The following CEP192 variants were observed in gnomAD, a reference collection of about 807,000 sequenced individuals.
CEP192 encodes the protein centrosomal protein 192.
Under a neutral mutation model 271.8 loss-of-function variants are expected in CEP192, and 151 were observed. The observed-to-expected ratio is 0.56, with a 90% CI of 0.49 to 0.64. The LOEUF (loss-of-function observed/expected upper bound fraction) is 0.64, where lower values mean the gene tolerates loss of function less well. CEP192 is among the 30% of genes least tolerant of loss of function. The pLI is 0.00. For missense variants in CEP192, 2,910 were observed against 3,020.5 expected (o/e 0.96, Z 0.86); for synonymous variants, 995 against 1,076.5 (o/e 0.92, Z 1.48).
chr18:13,030,003 G>A lies in CEP192; in HGVS notation c.1390+1G>A, dbSNP rs1470794798. 11 of 1,527,146 alleles carry A rather than the reference G, an allele frequency of 7.2e-6. No individual in the cohort carries two copies. Among genetic ancestry groups the A allele is most frequent in the Non-Finnish European group, 9.7e-6 (11 of 1,131,296 alleles). The allele number at this position is 1,527,146 out of a possible 1,614,324, so 94.6% of individuals were successfully genotyped here. A position where few individuals can be genotyped will look rare whatever the true frequency, so the allele number is the denominator to read the frequency against. ...GAGTCCATCGAAAAGAATAAAGACA[G>A]TAAGTGGACTTTTTAAAAAATAGAG... On this transcript the variant is annotated splice_donor_variant, in intron 10 of 44. Coordinates refer to ENST00000506447, the MANE Select transcript of CEP192 (RefSeq NM_032142.4). LOFTEE classifies it high-confidence loss of function.
intron 4 of CEP192, among the ~76,000 whole-genome samples, chr18:13,011,512 C>CTTTGT (rs1379861374): frequency 9.4e-6 from 1 of 105,924 alleles, no homozygotes; most frequent in African/African-American, 5.0e-5. Context: ...CACACAGAAA[C>CTTTGT]TTTGTTTTGT....
chr18:13,095,317 C>T (rs2039339663), intron 34 of CEP192, among the ~76,000 whole-genome samples, 186 bp from the exon 35 acceptor site: 1 of 152,154 alleles, frequency 6.6e-6, no homozygotes, highest in African/African-American at 2.4e-5. Flanking sequence ...ACATTGTAAA[C>T]TATACACAAT....
At chr18:13,024,374 A>T (rs190500239) in intron 9 of CEP192, 1 of 455,444 alleles carries the variant, frequency 2.2e-6, no homozygotes, top group South Asian at 1.6e-5. Flanking sequence ...TTTAATCTAC[A>T]TGTTGGTTTC....
rs113723431 is a variant in CEP192 at position 13,072,767 on chromosome 18, A to G, written c.5361A>G (p.Leu1787=). 15 of 1,603,940 alleles carry G rather than the reference A, an allele frequency of 9.4e-6. No individual in the cohort carries two copies. The African/African-American group carries it at 1.2e-4, about 13-fold the overall frequency. The change falls in exon 29 of 45, where the codon CTA becomes CTG. Residue 1787 remains leucine, a synonymous_variant. Transcript: ENST00000506447. ...TAATTGTTTTTAGGCTTCAGAAACTAGCTTTAAGAAATAATTCTGCATCTA... is the reference window on the plus strand; with the variant it reads ...TAATTGTTTTTAGGCTTCAGAAACTGGCTTTAAGAAATAATTCTGCATCTA... ...VPLGRTQLQK[L]ALRNNSASTT... is the part of the protein sequence containing the mutation.
chr18:13,099,435 A>T, intron 36 of CEP192, 41 bp from the exon 37 acceptor site: 1 of 1,013,272 alleles, frequency 9.9e-7, no homozygotes, highest in Admixed American at 2.2e-5. Flanking sequence ...TGCTGTTAAA[A>T]TGCAGGCTCT....
intron 40 of CEP192, among the ~76,000 whole-genome samples, chr18:13,108,334 C>T (rs1000483240): frequency 1.3e-5 from 2 of 152,104 alleles, no homozygotes; most frequent in African/African-American, 4.8e-5. Flanking sequence ...AGCTTCTGCA[C>T]AGCAAAGGAA....
At position 13,044,458 on chromosome 18, in the gene CEP192, C is replaced by T. The variant is rs770309811; in HGVS notation, c.2067+2124C>T. On this transcript the variant is annotated intron_variant, in intron 15 of 44. Transcript: ENST00000506447. ...TTGTTTTAAATTACTGGATCAACAACGTGGTCTTCTAATCTTTGTTCACTA... is the reference window on the plus strand; with the variant it reads ...TTGTTTTAAATTACTGGATCAACAATGTGGTCTTCTAATCTTTGTTCACTA... 3.6e-4 allele frequency among the ~76,000 whole-genome samples: 55 copies of T among 151,954 alleles called. 1 individual carries two copies. The highest frequency in any genetic ancestry group is 3.3e-4 in the Admixed American group (5 of 15,268).
Position 13,018,966 on chromosome 18 carries a change from A to G in CEP192, c.926-116A>G, listed in dbSNP as rs181640352. On this transcript the variant is annotated intron_variant, in intron 8 of 44. Coordinates refer to ENST00000506447, the MANE Select transcript of CEP192 (RefSeq NM_032142.4). ...CTCTACGAAAATGGCTAAATTTGTC[A>G]TAGGAGTGCTAAGTATTAGGGTTAC... The G allele has an allele frequency of 2.3e-3, 2,254 of 978,106 alleles. 42 individuals are homozygous for G. Among genetic ancestry groups the G allele is most frequent in the South Asian group, 0.021 (1,126 of 54,130 alleles). 60.6% of individuals were successfully genotyped at this position (978,106 alleles called of 1,614,324 possible).
intron 3 of CEP192, among the ~76,000 whole-genome samples, 155 bp downstream of exon 3, chr18:13,001,737 TCCATTGC>T (rs1455706832): frequency 6.6e-6 from 1 of 152,238 alleles, no homozygotes; most frequent in African/African-American, 2.4e-5. Context: ...TTTCACTCAC[TCCATTGC>T]CCAGGCTATA....
chr18:13,086,881 G>T (rs957369701), intron 30 of CEP192, 136 bp from the exon 31 acceptor site: 3 of 595,056 alleles, frequency 5.0e-6, no homozygotes, highest in Non-Finnish European at 8.6e-6. Flanking sequence ...TGGAAATGGG[G>T]AACTACTACC....
chr18:13,053,524 A>G (rs1246091705), intron 18 of CEP192, among the ~76,000 whole-genome samples: 2 of 152,284 alleles, frequency 1.3e-5, no homozygotes, highest in East Asian at 3.9e-4. Context: ...TACAAACTGC[A>G]TCTGGGCACT....
At position 13,067,914 on chromosome 18, in the gene CEP192, CCGAA is replaced by C. The variant is rs1278860828; in HGVS notation, c.4575_4578del (p.Thr1526MetfsTer8). 1 of 1,613,112 alleles carries C rather than the reference CCGAA, an allele frequency of 6.2e-7. No individual in the cohort carries two copies. The stretch of plus-strand genomic sequence containing the variant: ...AAGCCCTCCCACTAAAATTGATAAA[CCGAA>C]CGCATGCCACTGTGCCAATTAGACT... On this transcript the variant is annotated frameshift_variant, in exon 22 of 45. Transcript: ENST00000506447. LOFTEE classifies it high-confidence loss of function.
intron 38 of CEP192, among the ~76,000 whole-genome samples, chr18:13,102,369 G>C (rs1189692347): frequency 6.6e-6 from 1 of 151,986 alleles, no homozygotes; most frequent in African/African-American, 2.4e-5. Flanking sequence ...AGAGCCATCA[G>C]CTTCTCCCTC....
intron 32 of CEP192, 33 bp downstream of exon 32, chr18:13,087,679 C>T: frequency 8.9e-7 from 1 of 1,119,058 alleles, no homozygotes; most frequent in Non-Finnish European, 1.3e-6. Context: ...TGTTGGGAAC[C>T]ATTCAGCAGA....
intron 15 of CEP192, among the ~76,000 whole-genome samples, chr18:13,046,050 T>C (rs1231925485): frequency 6.6e-6 from 1 of 152,180 alleles, no homozygotes; most frequent in Non-Finnish European, 1.5e-5. Context: ...GGGTAATTTA[T>C]AAAGAAAAGA....
At chr18:12,993,434 A>G (rs750375226) in intron 1 of CEP192, among the ~76,000 whole-genome samples, 1 of 152,158 alleles carries the variant, frequency 6.6e-6, no homozygotes, top group Non-Finnish European at 1.5e-5. Context: ...AGTTCCTTAC[A>G]TAGATTGGTG....
At chr18:13,035,815 G>T (rs1333359738) in intron 11 of CEP192, among the ~76,000 whole-genome samples, 1 of 152,176 alleles carries the variant, frequency 6.6e-6, no homozygotes. Flanking sequence ...TTCTCCTGAT[G>T]CTCATTCCTA....
chr18:13,028,740 G>A lies in CEP192; in HGVS notation c.1051-923G>A, dbSNP rs902350302. ...TCACCATGTTGGCCAGGGTGGTCTC[G>A]AACCCCTGACCTCAGGTGATCCGTC... On this transcript the variant is annotated intron_variant, in intron 9 of 44. Coordinates refer to ENST00000506447, the MANE Select transcript of CEP192 (RefSeq NM_032142.4). Among the ~76,000 whole-genome samples the A allele has an allele frequency of 9.2e-5, 14 of 152,112 alleles. No homozygotes were observed. The East Asian group carries it at 9.7e-4, about 11-fold the overall frequency.
In CEP192 at chr18:13,069,080, A is replaced by AT; in HGVS notation, c.4963-8dup. ...TTCGTTGAAATGTCTGTCTTGCCCC[A>AT]TCCTCCAGACGATGCATTTCTTGGC... On this transcript the variant is annotated splice_polypyrimidine_tract_variant and intron_variant, in intron 25 of 44. Coordinates refer to ENST00000506447, the MANE Select transcript of CEP192 (RefSeq NM_032142.4). 3 of 1,614,100 alleles carry AT rather than the reference A, an allele frequency of 1.9e-6. No individual in the cohort carries two copies. Among genetic ancestry groups the AT allele is most frequent in the Non-Finnish European group, 2.5e-6 (3 of 1,179,960 alleles).
Sources: allele counts gnomAD v4.1 joint callset (sites outside exome capture counted in the v4.1 genomes callset), GRCh38; gene constraint gnomAD v4.1.1; transcripts MANE v1.5; gene names NCBI Gene and HGNC (gene_info 2026-07-23, HGNC 2026-07-21).